The following DEPDC1B variants were observed in gnomAD, a reference collection of about 807,000 sequenced individuals.
DEPDC1B encodes DEP domain containing 1B.
DEPDC1B carries 51 observed loss-of-function variants against 66.5 expected under a neutral mutation model. The ratio of observed to expected loss-of-function variants is 0.77; its 90% confidence interval spans 0.61 to 0.97. DEPDC1B has a LOEUF of 0.97. Ranked by LOEUF, DEPDC1B falls within the 50% of genes least tolerant of loss-of-function variation. DEPDC1B has a pLI of 0.00. For synonymous variants in DEPDC1B, 226 were observed against 223.6 expected, an observed-to-expected ratio of 1.01 and a Z score of -0.10; for missense variants, 552 against 637.1, an observed-to-expected ratio of 0.87 and a Z score of 1.44.
rs1399033598 is a variant in DEPDC1B at position 60,687,264 on chromosome 5, C to A, written c.49-37G>T. 1.9e-6 allele frequency: 3 copies of A among 1,565,812 alleles called. No homozygotes were observed. In the African/African-American group the frequency reaches 4.1e-5, roughly 21 times the overall value. ...AAAGAGAATGGCATTTAGTAATCAACTGATTTTTTTAAGATTACTACATCT... is the reference window on the plus strand; with the variant it reads ...AAAGAGAATGGCATTTAGTAATCAAATGATTTTTTTAAGATTACTACATCT... On this transcript the variant is annotated intron_variant, in intron 1 of 10. Coordinates refer to ENST00000265036, the MANE Select transcript of DEPDC1B (RefSeq NM_018369.3).
chr5:60,679,679 A>G lies in DEPDC1B; in HGVS notation c.314+7283T>C, dbSNP rs186691498. On this transcript the variant is annotated intron_variant, in intron 2 of 10. Coordinates refer to ENST00000265036, the MANE Select transcript of DEPDC1B (RefSeq NM_018369.3). ...ACCTGTAAGCCATGAAAACCTTCCC[A>G]GTTCAACCACCCACCAGAGCTAGCA... Among the ~76,000 whole-genome samples, 48 of 152,338 alleles carry G rather than the reference A, an allele frequency of 3.2e-4. No individual in the cohort carries two copies. The East Asian group carries it at 8.5e-3, about 27-fold the overall frequency.
At chr5:60,618,382 G>T (rs1752615909) in intron 7 of DEPDC1B, among the ~76,000 whole-genome samples, 1 of 152,124 alleles carries the variant, frequency 6.6e-6, no homozygotes, top group Non-Finnish European at 1.5e-5. Flanking sequence ...AAAATTGATA[G>T]ACTGCTAGCA....
chr5:60,661,830 T>C (rs939642003), intron 2 of DEPDC1B, among the ~76,000 whole-genome samples: 16 of 152,140 alleles, frequency 1.1e-4, no homozygotes, highest in African/African-American at 1.9e-4. Flanking sequence ...TAGACCCTCA[T>C]TGTGACACAG....
At chr5:60,637,939 A>G (rs1341294128) in intron 7 of DEPDC1B, among the ~76,000 whole-genome samples, 1 of 152,204 alleles carries the variant, frequency 6.6e-6, no homozygotes, top group Non-Finnish European at 1.5e-5. Flanking sequence ...AACGACATAG[A>G]GAAGGAGGAG....
At chr5:60,683,784 A>G (rs1754350584) in intron 2 of DEPDC1B, among the ~76,000 whole-genome samples, 1 of 152,198 alleles carries the variant, frequency 6.6e-6, no homozygotes, top group African/African-American at 2.4e-5. Flanking sequence ...AGAAAGAAAT[A>G]AACGACATAT....
chr5:60,664,549 T>C (rs1319832836), intron 2 of DEPDC1B, among the ~76,000 whole-genome samples: 3 of 152,200 alleles, frequency 2.0e-5, no homozygotes, highest in African/African-American at 4.8e-5. Flanking sequence ...AGATAGAACG[T>C]AACTGTCAAC....
chr5:60,644,996 T>C, intron 4 of DEPDC1B, 121 bp from the exon 5 acceptor site: 1 of 680,272 alleles, frequency 1.5e-6, no homozygotes, highest in Non-Finnish European at 2.2e-6. Context: ...ACCCAATCTT[T>C]GCGGGGCAAA....
At chr5:60,645,888 T>G (rs1344755158) in intron 3 of DEPDC1B, among the ~76,000 whole-genome samples, 1 of 152,216 alleles carries the variant, frequency 6.6e-6, no homozygotes, top group African/African-American at 2.4e-5. Context: ...TGGCATTAAC[T>G]AGCTAATTTT....
intron 2 of DEPDC1B, among the ~76,000 whole-genome samples, chr5:60,675,431 G>A (rs1754131561): frequency 6.6e-6 from 1 of 152,020 alleles, no homozygotes; most frequent in Non-Finnish European, 1.5e-5. Flanking sequence ...GATTACCTAG[G>A]AACAAACCCA....
At chr5:60,615,560 G>C (rs1282821938) in intron 7 of DEPDC1B, among the ~76,000 whole-genome samples, 1 of 152,236 alleles carries the variant, frequency 6.6e-6, no homozygotes, top group Non-Finnish European at 1.5e-5. Context: ...TAGCACAGCA[G>C]TCTGAGATCA....
Position 60,687,198 on chromosome 5 carries a change from A to T in DEPDC1B, c.78T>A (p.Ala26=), listed in dbSNP as rs1412565419. 6.2e-7 allele frequency: 1 copy of T among 1,612,588 alleles called. No homozygotes were observed. Among genetic ancestry groups the T allele is most frequent in the East Asian group, 2.2e-5 (1 of 44,826 alleles). ...AGCGATGTTTCCGTAACGGCATCTT[A>T]GCACGAAAAAGCTCCACGGTCTCAT... ...LWNETVELFR[A]KMPLRKHRCR... is the part of the protein sequence containing the mutation. The change falls in exon 2 of 11, where the codon GCT becomes GCA. Residue 26 remains alanine (A), a synonymous_variant. Coordinates refer to ENST00000265036, the MANE Select transcript of DEPDC1B (RefSeq NM_018369.3).
intron 9 of DEPDC1B, among the ~76,000 whole-genome samples, chr5:60,601,119 A>C (rs1012514420): frequency 3.9e-5 from 6 of 152,214 alleles, no homozygotes; most frequent in Admixed American, 3.9e-4. Context: ...GGGCCTCCCC[A>C]GCCATGCTGA....
rs780591901 is a variant in DEPDC1B, at chr5:60,638,864, G to C, written c.784C>G (p.Pro262Ala). Residue 262 changes from proline (P) to alanine (A), a missense_variant, in exon 7 of 11, where the codon CCT (proline) becomes GCT (alanine). By Grantham distance (27) the Pro-to-Ala change is conservative. Transcript: ENST00000265036. ...NWPNCSDLKQ[P>A]MYLGFEKDVF... ...TCTTTTTCAAATCCCAAGTACATAG[G>C]CTGCTTCAAATCAGAACAGTTGGGC... 1.2e-6 allele frequency: 2 copies of C among 1,612,170 alleles called. No homozygotes were observed. Among genetic ancestry groups the C allele is most frequent in the African/African-American group, 1.3e-5 (1 of 74,812 alleles).
Position 60,653,241 on chromosome 5 carries a change from G to A in DEPDC1B, c.315-5708C>T, listed in dbSNP as rs556847329. On this transcript the variant is annotated intron_variant, in intron 2 of 10. Transcript: ENST00000265036. ...ACATTCCCACCAGCAGTCTAAACGT[G>A]TTCCTTTTTTGCCACATCCATTTCA... 4.7e-5 allele frequency among the ~76,000 whole-genome samples: 7 copies of A among 149,334 alleles called. 1 individual carries two copies. Among genetic ancestry groups the A allele is most frequent in the African/African-American group, 1.8e-4 (7 of 39,762 alleles).
chr5:60,607,291 C>G (rs564004457), intron 7 of DEPDC1B, among the ~76,000 whole-genome samples: 34 of 152,148 alleles, frequency 2.2e-4, no homozygotes, highest in African/African-American at 8.0e-4. Flanking sequence ...TGTGCATGGA[C>G]GGGAAAGGAG....
chr5:60,653,060 G>C (rs531169440), intron 2 of DEPDC1B, among the ~76,000 whole-genome samples: 4 of 149,332 alleles, frequency 2.7e-5, no homozygotes, highest in African/African-American at 1.0e-4. Flanking sequence ...AAATTGTGCT[G>C]CTATAAACAT....
chr5:60,638,636 AGTTTTT>A (rs946564437), intron 7 of DEPDC1B, 108 bp downstream of exon 7: 1 of 1,073,862 alleles, frequency 9.3e-7, no homozygotes, highest in African/African-American at 1.6e-5. Flanking sequence ...ATACTCTATC[AGTTTTT>A]ATTTTTAAAA....
intron 6 of DEPDC1B, 32 bp from the exon 7 acceptor site, chr5:60,638,922 T>C (rs762802095): frequency 6.2e-7 from 1 of 1,603,408 alleles, no homozygotes; most frequent in South Asian, 1.1e-5. Flanking sequence ...AAGAGAAACA[T>C]TAATGGAGTA....
intron 1 of DEPDC1B, chr5:60,689,185 C>G (rs1754489704): frequency 5.1e-6 from 2 of 388,928 alleles, no homozygotes; most frequent in South Asian, 3.9e-5. Context: ...CTACAAGATG[C>G]CACTAGGCGG....
Sources: gnomAD v4.1 joint callset for allele counts (sites outside exome capture counted in the v4.1 genomes callset) on GRCh38, gnomAD v4.1.1 for gene constraint, MANE v1.5 for transcripts, NCBI Gene and HGNC (gene_info 2026-07-23, HGNC 2026-07-21) for gene names.